Variants in FN1 observed in about 807,000 individuals in gnomAD.
FN1 encodes the protein fibronectin 1.
A neutral mutation model predicts 297.3 loss-of-function variants in FN1; 106 were observed. That is an observed-to-expected ratio of 0.36 (90% CI 0.30 to 0.42). FN1 has a LOEUF of 0.42. Ranked by LOEUF, FN1 falls within the 10% of genes least tolerant of loss-of-function variation. FN1 has a pLI of 1.00. For missense variants in FN1, 2,690 were observed against 3,124.9 expected (o/e 0.86, Z 3.32); for synonymous variants, 1,149 against 1,152.6 (o/e 1.00, Z 0.06).
At chr2:215,362,212 C>A in intron 44 of FN1, 133 bp from the exon 45 acceptor site, 1 of 705,844 alleles carries the variant, frequency 1.4e-6, no homozygotes, top group Non-Finnish European at 2.6e-6. Flanking sequence ...ACTAAGCAAG[C>A]TTTGATGATG....
Position 215,408,290 on chromosome 2 carries a change from A to T in FN1, c.2428+8T>A. 1 of 1,614,218 alleles carries T rather than the reference A, an allele frequency of 6.2e-7. No homozygotes were observed. Among genetic ancestry groups the T allele is most frequent in the Non-Finnish European group, 8.5e-7 (1 of 1,180,010 alleles). ...AGATTCTTTTAACACTATGTAGCAC[A>T]CATGTACCTGTTGTTTGTGAAGTAG... is the stretch of plus-strand genomic sequence containing the variant. On this transcript the variant is annotated splice_region_variant and intron_variant, in intron 16 of 45. Transcript: ENST00000354785.
In FN1 at chr2:215,404,487, G is replaced by A. The variant is rs749779424; in HGVS notation, c.3155C>T (p.Pro1052Leu). 1.9e-6 allele frequency: 3 copies of A among 1,613,884 alleles called. No individual in the cohort carries two copies. The highest frequency in any genetic ancestry group is 2.7e-5 in the African/African-American group (2 of 74,872). ...AGATGCAGGCTGCAGATTCCTCAGT[G>A]GGTACTTGGAGACAGAGGGACCCAC... is the stretch of plus-strand genomic sequence containing the variant. ...YNVGPSVSKY[P>L]LRNLQPASEY... is the part of the protein sequence containing the mutation. The change falls in exon 20 of 46, where the codon CCA becomes CTA. Residue 1052 changes from proline to leucine, a missense_variant. Physicochemically the swap from Pro to Leu is moderately conservative, Grantham distance 98 (BLOSUM62 -3). Coordinates refer to ENST00000354785, the MANE Select transcript of FN1 (RefSeq NM_212482.4).
chr2:215,400,607 C>T (rs1037046811), intron 20 of FN1, among the ~76,000 whole-genome samples: 3 of 151,606 alleles, frequency 2.0e-5, no homozygotes, highest in Non-Finnish European at 2.9e-5. Context: ...TAAAAATTAG[C>T]CAGGTGTGAT....
At chr2:215,418,825 G>C (rs913952362) in intron 12 of FN1, among the ~76,000 whole-genome samples, 4 of 152,156 alleles carry the variant, frequency 2.6e-5, no homozygotes. Context: ...CATGTTGAAT[G>C]AACACGTACC....
Position 215,365,594 on chromosome 2 carries a change from C to T in FN1, c.7055G>A (p.Gly2352Glu), listed in dbSNP as rs748845570. The T allele has an allele frequency of 6.2e-7, 1 of 1,613,966 alleles. No homozygotes were observed. Among genetic ancestry groups the T allele is most frequent in the Admixed American group, 1.7e-5 (1 of 60,004 alleles). ...TTCTCCCTGACGGTCCCACTTCTCT[C>T]CAATCTTGTAGTTCACACCATTGTC... ...CHDNGVNYKIGEKWDRQGENG... is the reference protein window; with the variant it reads ...CHDNGVNYKIEEKWDRQGENG... Residue 2352 changes from glycine (G) to glutamate (E), a missense_variant, in exon 43 of 46, where the codon GGA (glycine) becomes GAA (glutamate). By Grantham distance (98) the Gly-to-Glu change is moderately conservative. Around this residue, in one of 3 missense-constraint regions of FN1, gnomAD observed 1,743 missense variants for 1,945.2 expected, o/e 0.90. Transcript: ENST00000354785.
At chr2:215,414,614 C>A (rs571914623) in intron 13 of FN1, 7 of 1,097,070 alleles carry the variant, frequency 6.4e-6, no homozygotes, top group Middle Eastern at 3.3e-4. Flanking sequence ...AAATACCAGC[C>A]CCCCCACCGC....
chr2:215,386,781 G>A lies in FN1; in HGVS notation c.4520C>T (p.Thr1507Ile), dbSNP rs1276858220. The change falls in exon 28 of 46, where the codon ACC (threonine) becomes ATC (isoleucine). Residue 1507 changes from threonine (T) to isoleucine (I), a missense_variant. Thr to Ile is a moderately conservative substitution (Grantham distance 89, BLOSUM62 -1). Transcript: ENST00000354785. The stretch of plus-strand genomic sequence containing the variant: ...ATACTCTGTGCCTGGAGTGAGGTTG[G>A]TGAGGGTGATGGAATTCCGAGAGTG... ...VPHSRNSITL[T>I]NLTPGTEYVV... 7 of 1,614,000 alleles carry A rather than the reference G, an allele frequency of 4.3e-6. No homozygotes were observed. In the Admixed American group the frequency reaches 1.0e-4, roughly 23 times the overall value.
chr2:215,430,370 C>A (rs1181697496), intron 5 of FN1, among the ~76,000 whole-genome samples: 2 of 152,118 alleles, frequency 1.3e-5, no homozygotes, highest in African/African-American at 4.8e-5. Context: ...GTAGATAAAT[C>A]ATTTTAATTT....
intron 21 of FN1, 74 bp from the exon 22 acceptor site, chr2:215,397,922 T>G: frequency 1.5e-6 from 2 of 1,316,200 alleles, no homozygotes; most frequent in South Asian, 2.4e-5. Context: ...GAGGCTATGA[T>G]TATGCTTTAA....
Position 215,376,534 on chromosome 2 carries a change from T to C in FN1, c.5851A>G (p.Thr1951Ala). ...TAGCTTCTGACATCTGGCTTGATGG[T>C]TCTCTGGATTGGAGTCTGGCCATTG... Reference protein sequence around the residue: ...PANGQTPIQRTIKPDVRSYTI... With the variant: ...PANGQTPIQRAIKPDVRSYTI... Residue 1951 changes from threonine to alanine, a missense_variant, in exon 36 of 46, where the codon ACC becomes GCC. Coordinates refer to ENST00000354785, the MANE Select transcript of FN1 (RefSeq NM_212482.4). The C allele has an allele frequency of 1.2e-6, 2 of 1,614,178 alleles. No homozygotes were observed. Among genetic ancestry groups the C allele is most frequent in the Non-Finnish European group, 1.7e-6 (2 of 1,180,020 alleles).
At chr2:215,399,399 G>GCT (rs1202865169) in intron 20 of FN1, 48 bp from the exon 21 acceptor site, 2 of 1,220,136 alleles carry the variant, frequency 1.6e-6, no homozygotes, top group Non-Finnish European at 2.4e-6. Flanking sequence ...ACTCACAGAT[G>GCT]ATTGCATAGC....
chr2:215,396,424 T>C (rs550334011), intron 23 of FN1, among the ~76,000 whole-genome samples: 1 of 152,292 alleles, frequency 6.6e-6, no homozygotes, highest in Non-Finnish European at 1.5e-5. Context: ...TTATAAATAA[T>C]TTTCAAATAT....
In FN1 at chr2:215,420,805, T is replaced by C; in HGVS notation, c.1547-4A>G. ...ATGTCATCAACAATGCACTGATCTG[T>C]TTAGGAAACAGGTGGGTGAGTGAGA... is the stretch of plus-strand genomic sequence containing the variant. On this transcript the variant is annotated splice_region_variant and splice_polypyrimidine_tract_variant and intron_variant, in intron 10 of 45. Transcript: ENST00000354785. 6.2e-7 allele frequency: 1 copy of C among 1,613,946 alleles called. No homozygotes were observed. Among genetic ancestry groups the C allele is most frequent in the South Asian group, 1.1e-5 (1 of 91,086 alleles).
chr2:215,425,036 C>A, intron 7 of FN1, 58 bp downstream of exon 7: 1 of 1,448,390 alleles, frequency 6.9e-7, no homozygotes, highest in South Asian at 1.1e-5. Context: ...AATGTATTGT[C>A]CTTCAAAAAC....
At position 215,404,486 on chromosome 2, in the gene FN1, T is replaced by G. The variant is rs1053238; in HGVS notation, c.3156A>C (p.Pro1052=). 620,230 of 1,613,276 alleles carry G rather than the reference T, an allele frequency of 0.38. 124,145 individuals carry two copies. Among genetic ancestry groups the G allele is most frequent in the South Asian group, 0.5 (45,187 of 91,052 alleles). The change falls in exon 20 of 46, where the codon CCA becomes CCC. Residue 1052 remains proline (P), a synonymous_variant. Transcript: ENST00000354785. The part of the protein sequence containing the change: ...YNVGPSVSKY[P]LRNLQPASEY... ...CAGATGCAGGCTGCAGATTCCTCAG[T>G]GGGTACTTGGAGACAGAGGGACCCA... is the stretch of plus-strand genomic sequence containing the variant.
chr2:215,361,984 A>ATGG lies in FN1; in HGVS notation c.7344_7346dup (p.His2449dup), dbSNP rs2053551895. ...ATGCACTTACAGTGTTTGTTCTCTG[A>ATGG]TGGTATCTCTGAGAATACTGGTTGT... On this transcript the variant is annotated inframe_insertion, in exon 45 of 46. Transcript: ENST00000354785. 1.9e-6 allele frequency: 3 copies of ATGG among 1,613,692 alleles called. No individual in the cohort carries two copies. In the African/African-American group the frequency reaches 4.0e-5, roughly 22 times the overall value.
Position 215,388,193 on chromosome 2 carries a change from T to G in FN1, c.4342+19A>C. 3 of 1,581,996 alleles carry G rather than the reference T, an allele frequency of 1.9e-6. No homozygotes were observed. Among genetic ancestry groups the G allele is most frequent in the Middle Eastern group, 3.3e-4 (2 of 5,998 alleles). ...ATAGGCAAAAGCTACTGGATAGTCA[T>G]ACTGCCAACACCACTCACCTGTTTT... is the stretch of plus-strand genomic sequence containing the variant. On this transcript the variant is annotated intron_variant, in intron 27 of 45. Coordinates refer to ENST00000354785, the MANE Select transcript of FN1 (RefSeq NM_212482.4).
chr2:215,376,589 G>T lies in FN1; in HGVS notation c.5796C>A (p.Ile1932=), dbSNP rs778217683. 1 of 1,614,036 alleles carries T rather than the reference G, an allele frequency of 6.2e-7. No individual in the cohort carries two copies. Among genetic ancestry groups the T allele is most frequent in the Non-Finnish European group, 8.5e-7 (1 of 1,179,982 alleles). The change falls in exon 36 of 46, where the codon ATC becomes ATA. Residue 1932 remains isoleucine, a synonymous_variant. Coordinates refer to ENST00000354785, the MANE Select transcript of FN1 (RefSeq NM_212482.4). The part of the protein sequence containing the change: ...TISWRTKTET[I]TGFQVDAVPA... ...GAACGGCATCAACTTGGAAGCCAGT[G>T]ATCGTCTCAGTCTTGGTTCTCCAGC...
intron 6 of FN1, among the ~76,000 whole-genome samples, chr2:215,427,122 G>A (rs112753814): frequency 0.041 from 6,190 of 152,114 alleles, 421 homozygotes; most frequent in African/African-American, 0.14. Flanking sequence ...TGATCCGCCT[G>A]CCTCGGCCTC....
Sources: allele counts gnomAD v4.1 joint callset (sites outside exome capture counted in the v4.1 genomes callset), GRCh38; gene constraint gnomAD v4.1.1; regional missense constraint gnomAD v4.1.1; transcripts MANE v1.5; gene names NCBI Gene and HGNC (gene_info 2026-07-23, HGNC 2026-07-21).